MYO1D: variants seen among roughly 807,000 people sequenced by gnomAD.
The protein encoded by MYO1D is myosin ID.
A neutral mutation model predicts 122.0 loss-of-function variants in MYO1D; 83 were observed. The ratio of observed to expected loss-of-function variants is 0.68; its 90% CI spans 0.57 to 0.82. The LOEUF (loss-of-function observed/expected upper bound fraction) is 0.82, where lower values mean the gene tolerates loss of function less well. Ranked by LOEUF, MYO1D falls within the 40% of genes least tolerant of loss-of-function variation. MYO1D has a pLI of 0.00. For synonymous variants in MYO1D, 464 were observed against 446.9 expected, an observed-to-expected ratio of 1.04 and a Z score of -0.48; for missense variants, 1,157 against 1,269.5, an observed-to-expected ratio of 0.91 and a Z score of 1.35.
chr17:32,651,887 A>C (rs1225160750), intron 19 of MYO1D, among the ~76,000 whole-genome samples: 2 of 152,136 alleles, frequency 1.3e-5, no homozygotes, highest in African/African-American at 4.8e-5. Context: ...CATGTTGGCC[A>C]GGATGGTCTT....
chr17:32,684,613 T>C (rs866029305), intron 16 of MYO1D, among the ~76,000 whole-genome samples: 3 of 152,122 alleles, frequency 2.0e-5, no homozygotes, highest in Middle Eastern at 3.2e-3. Flanking sequence ...ATAAGAGCAC[T>C]AAAAAGAAAC....
chr17:32,809,281 A>T (rs1231946885), intron 1 of MYO1D, among the ~76,000 whole-genome samples: 1 of 151,938 alleles, frequency 6.6e-6, no homozygotes, highest in East Asian at 1.9e-4. Context: ...ACCACACCCA[A>T]CTAAATTTTT....
chr17:32,805,101 C>T (rs892485188), intron 1 of MYO1D, among the ~76,000 whole-genome samples: 2 of 152,098 alleles, frequency 1.3e-5, no homozygotes, highest in Non-Finnish European at 2.9e-5. Flanking sequence ...ATAAAAATGG[C>T]TTGAGGGAGC....
chr17:32,852,541 T>C (rs1222965651), intron 1 of MYO1D, among the ~76,000 whole-genome samples: 1 of 152,226 alleles, frequency 6.6e-6, no homozygotes, highest in Non-Finnish European at 1.5e-5. Context: ...ACATATTAAA[T>C]GCAATGTTAC....
At chr17:32,775,179 T>C in intron 4 of MYO1D, among the ~76,000 whole-genome samples, 1 of 152,080 alleles carries the variant, frequency 6.6e-6, no homozygotes, top group East Asian at 1.9e-4. Context: ...GCCATGCCTG[T>C]GGTCCCAGCT....
At chr17:32,534,577 A>G (rs1199647460) in intron 21 of MYO1D, among the ~76,000 whole-genome samples, 7 of 152,234 alleles carry the variant, frequency 4.6e-5, no homozygotes, top group Non-Finnish European at 5.9e-5. Flanking sequence ...TTTTATTTGG[A>G]AAGTTTAAAT....
chr17:32,703,202 T>C (rs1352332828), intron 16 of MYO1D, among the ~76,000 whole-genome samples: 2 of 152,138 alleles, frequency 1.3e-5, no homozygotes, highest in African/African-American at 2.4e-5. Flanking sequence ...CAGTGAGCAA[T>C]TAAGATCTCT....
At chr17:32,808,023 A>G (rs2090533354) in intron 1 of MYO1D, among the ~76,000 whole-genome samples, 1 of 152,162 alleles carries the variant, frequency 6.6e-6, no homozygotes, top group African/African-American at 2.4e-5. Context: ...CAATGTTATC[A>G]TTAACATCAC....
intron 21 of MYO1D, among the ~76,000 whole-genome samples, chr17:32,556,538 G>T (rs1225150528): frequency 6.9e-6 from 1 of 145,184 alleles, no homozygotes; most frequent in Non-Finnish European, 1.5e-5. Flanking sequence ...CAGACACAGG[G>T]TTTATGGCCA....
intron 10 of MYO1D, 168 bp downstream of exon 10, chr17:32,760,122 C>T: frequency 2.7e-6 from 2 of 748,768 alleles, no homozygotes; most frequent in Non-Finnish European, 2.4e-6. Context: ...TTATAGCAAT[C>T]CCACCTAAAA....
chr17:32,610,047 T>C (rs2150917824), intron 20 of MYO1D, among the ~76,000 whole-genome samples: 1 of 152,318 alleles, frequency 6.6e-6, no homozygotes, highest in South Asian at 2.1e-4. Flanking sequence ...GATTAAAGCC[T>C]AAAGAAATGA....
intron 21 of MYO1D, among the ~76,000 whole-genome samples, chr17:32,568,119 CAA>C (rs902795934): frequency 1.3e-4 from 19 of 146,034 alleles, no homozygotes; most frequent in Non-Finnish European, 2.1e-4. Flanking sequence ...TCCTTTTTCC[CAA>C]AAGAGTCTTG....
chr17:32,658,091 T>C (rs185925032), intron 17 of MYO1D, among the ~76,000 whole-genome samples: 1 of 152,338 alleles, frequency 6.6e-6, no homozygotes, highest in Non-Finnish European at 1.5e-5. Context: ...GTTGAGGTAC[T>C]TTTGTTTTCA....
At chr17:32,649,536 A>C (rs1164303205) in intron 19 of MYO1D, among the ~76,000 whole-genome samples, 1 of 141,710 alleles carries the variant, frequency 7.1e-6, no homozygotes, top group Admixed American at 6.9e-5. Context: ...CTTTTTATCC[A>C]TTGTATGGCT....
At chr17:32,786,262 T>TA (rs2090292733) in intron 1 of MYO1D, among the ~76,000 whole-genome samples, 2 of 152,196 alleles carry the variant, frequency 1.3e-5, no homozygotes, top group South Asian at 4.2e-4. Context: ...ATTCCTTTTT[T>TA]TAAAAAAAAA....
chr17:32,642,989 C>T (rs1235626410), intron 19 of MYO1D, among the ~76,000 whole-genome samples: 1 of 152,174 alleles, frequency 6.6e-6, no homozygotes, highest in Non-Finnish European at 1.5e-5. Context: ...GAGGGCATCC[C>T]TGTCTTGTGC....
intron 19 of MYO1D, among the ~76,000 whole-genome samples, chr17:32,646,466 AAAG>A (rs2088296709): frequency 6.6e-6 from 1 of 151,756 alleles, no homozygotes; most frequent in African/African-American, 2.4e-5. Flanking sequence ...TATATATATA[AAAG>A]AAAGGAAACA....
At chr17:32,713,690 C>T (rs1329577605) in intron 15 of MYO1D, among the ~76,000 whole-genome samples, 3 of 152,046 alleles carry the variant, frequency 2.0e-5, no homozygotes, top group Non-Finnish European at 2.9e-5. Context: ...TGCAGTGGTG[C>T]GATCTCAGCT....
At chr17:32,652,760 CTT>C (rs1411637366) in intron 19 of MYO1D, among the ~76,000 whole-genome samples, 6 of 152,172 alleles carry the variant, frequency 3.9e-5, no homozygotes, top group Non-Finnish European at 7.3e-5. Context: ...TAGCAGGTAA[CTT>C]TTCCCTCACC....
Sources: gnomAD v4.1 joint callset for allele counts (sites outside exome capture counted in the v4.1 genomes callset) on GRCh38, gnomAD v4.1.1 for gene constraint, MANE v1.5 for transcripts, NCBI Gene and HGNC (gene_info 2026-07-23, HGNC 2026-07-21) for gene names.